PCDHGB6: variants seen among roughly 807,000 people sequenced by gnomAD.
The protein encoded by PCDHGB6 is protocadherin gamma subfamily B, 6.
A neutral mutation model predicts 59.1 loss-of-function variants in PCDHGB6; 51 were observed. That is an observed-to-expected ratio of 0.86 (90% confidence interval 0.69 to 1.09). PCDHGB6 has a LOEUF of 1.09. Ranked by LOEUF, PCDHGB6 falls within the 50% of genes least tolerant of loss-of-function variation. PCDHGB6 has a pLI of 0.00. For missense variants in PCDHGB6, 1,148 were observed against 1,205.1 expected (o/e 0.95, Z 0.70); for synonymous variants, 466 against 495.1 (o/e 0.94, Z 0.78).
rs759346998 is a variant in PCDHGB6 at position 141,410,849 on chromosome 5, C to CTTTTTTTTTT, written c.2418+242_2418+251dup. ...CAGACTGAAGATATTTTGTCTTTGT[C>CTTTTTTTTTT]TTTTTTTTTTTTTTTTTTTTTTGAG... On this transcript the variant is annotated intron_variant, in intron 1 of 3. Coordinates refer to ENST00000520790, the MANE Select transcript of PCDHGB6 (RefSeq NM_018926.3). 91 of 138,162 alleles carry CTTTTTTTTTT rather than the reference C, an allele frequency of 6.6e-4. 6 individuals are homozygous for CTTTTTTTTTT. The highest frequency in any genetic ancestry group is 2.3e-3 in the African/African-American group (38 of 16,624). The allele number at this position is 138,162 out of a possible 1,614,324, so 8.6% of individuals were successfully genotyped here. A position where few individuals can be genotyped will look rare whatever the true frequency, so the allele number is the denominator to read the frequency against.
At chr5:141,458,509 CTTTG>C (rs1327998402) in intron 1 of PCDHGB6, among the ~76,000 whole-genome samples, 2 of 149,986 alleles carry the variant, frequency 1.3e-5, no homozygotes. Context: ...CTGTTTGACA[CTTTG>C]TTTTTTTTTT....
At chr5:141,507,537 C>CA (rs140454890) in intron 3 of PCDHGB6, among the ~76,000 whole-genome samples, 3,617 of 152,286 alleles carry the variant, frequency 0.024, 53 homozygotes, top group East Asian at 0.043. Context: ...AGGCCAGAGA[C>CA]TGAGTATGAA....
Position 141,477,012 on chromosome 5 carries a change from T to C in PCDHGB6, c.2419-17795T>C. The C allele has an allele frequency of 6.2e-7, 1 of 1,614,186 alleles. No homozygotes were observed. Among genetic ancestry groups the C allele is most frequent in the Non-Finnish European group, 8.5e-7 (1 of 1,180,026 alleles). On this transcript the variant is annotated intron_variant, in intron 1 of 3. Coordinates refer to ENST00000520790, the MANE Select transcript of PCDHGB6 (RefSeq NM_018926.3). The surrounding 1 kb of genome is among the most constrained non-coding windows in gnomAD (Gnocchi z 4.9). The stretch of plus-strand genomic sequence containing the variant: ...GTGCGGCAACTATTCGCCTTAGACC[T>C]TGTAACCGGGATGCTGACAATCAAG...
intron 1 of PCDHGB6, among the ~76,000 whole-genome samples, chr5:141,465,368 A>C (rs940928815): frequency 1.3e-5 from 2 of 152,114 alleles, no homozygotes; most frequent in Admixed American, 6.6e-5. Flanking sequence ...TGCCCTTTAA[A>C]GTTGTAAGAT....
chr5:141,485,380 G>A lies in PCDHGB6; in HGVS notation c.2419-9427G>A. The A allele has an allele frequency of 1.9e-6, 3 of 1,614,146 alleles. No individual in the cohort carries two copies. The highest frequency in any genetic ancestry group is 2.5e-6 in the Non-Finnish European group (3 of 1,180,032). On this transcript the variant is annotated intron_variant, in intron 1 of 3. Coordinates refer to ENST00000520790, the MANE Select transcript of PCDHGB6 (RefSeq NM_018926.3). This position sits in a 1 kb window ranked among gnomAD's most constrained non-coding sequence, Gnocchi z 5.7. ...CTCGCAGGCTGCAGGTCGCTGGAGA[G>A]GTGAACCAAAGACACTTCCGTGTGG... is the stretch of plus-strand genomic sequence containing the variant.
Position 141,490,192 on chromosome 5 carries a change from A to C in PCDHGB6, c.2419-4615A>C. 1 of 1,614,182 alleles carries C rather than the reference A, an allele frequency of 6.2e-7. No homozygotes were observed. Among genetic ancestry groups the C allele is most frequent in the South Asian group, 1.1e-5 (1 of 91,082 alleles). On this transcript the variant is annotated intron_variant, in intron 1 of 3. Coordinates refer to ENST00000520790, the MANE Select transcript of PCDHGB6 (RefSeq NM_018926.3). The surrounding 1 kb of genome is among the most constrained non-coding windows in gnomAD (Gnocchi z 5.4). Reference sequence around the variant, plus strand: ...CTTTGAGGAGTCACGTTTCTATGAAATTCATGCAAGAGCCCGTGACCAGGG... The same window carrying C: ...CTTTGAGGAGTCACGTTTCTATGAACTTCATGCAAGAGCCCGTGACCAGGG...
intron 1 of PCDHGB6, chr5:141,421,683 A>G (rs1238944281): frequency 1.2e-6 from 2 of 1,613,758 alleles, no homozygotes; most frequent in African/African-American, 1.3e-5. Flanking sequence ...CTGGGGCGCG[A>G]TTTGCTCTTC....
In PCDHGB6 at chr5:141,485,979, C is replaced by G; in HGVS notation, c.2419-8828C>G. 1 of 1,614,182 alleles carries G rather than the reference C, an allele frequency of 6.2e-7. No individual in the cohort carries two copies. Among genetic ancestry groups the G allele is most frequent in the Non-Finnish European group, 8.5e-7 (1 of 1,180,022 alleles). On this transcript the variant is annotated intron_variant, in intron 1 of 3. Coordinates refer to ENST00000520790, the MANE Select transcript of PCDHGB6 (RefSeq NM_018926.3). The surrounding 1 kb of genome is among the most constrained non-coding windows in gnomAD (Gnocchi z 5.7). ...CTCATCCAGCTCAATGCCTCAGACC[C>G]GGACCTGGGTCCCAGTGGTAACGTC...
At position 141,491,267 on chromosome 5, in the gene PCDHGB6, A is replaced by C. The variant is rs1376540913; in HGVS notation, c.2419-3540A>C. ...GATGAGGACCCTGAGGAAATGCCCA[A>C]ATCCAGTGACTTCCTCATACACCCT... On this transcript the variant is annotated intron_variant, in intron 1 of 3. Coordinates refer to ENST00000520790, the MANE Select transcript of PCDHGB6 (RefSeq NM_018926.3). This position sits in a 1 kb window ranked among gnomAD's most constrained non-coding sequence, Gnocchi z 6.9. The C allele has an allele frequency of 2.5e-6, 4 of 1,613,944 alleles. No individual in the cohort carries two copies. The highest frequency in any genetic ancestry group is 3.4e-6 in the Non-Finnish European group (4 of 1,179,936).
Position 141,427,801 on chromosome 5 carries a change from G to T in PCDHGB6, c.2418+17181G>T, listed in dbSNP as rs755067099. On this transcript the variant is annotated intron_variant, in intron 1 of 3. Coordinates refer to ENST00000520790, the MANE Select transcript of PCDHGB6 (RefSeq NM_018926.3). ...GCACTGTCGTCCTACGTGTCCGTGA[G>T]CGCACAGAGCGGGGTGGTGGTCGCG... 6 of 1,510,138 alleles carry T rather than the reference G, an allele frequency of 4.0e-6. No homozygotes were observed. In the African/African-American group the frequency reaches 8.2e-5, roughly 21 times the overall value. 93.5% of individuals were successfully genotyped at this position (1,510,138 alleles called of 1,614,324 possible). A position where few individuals can be genotyped will look rare whatever the true frequency, so the allele number is the denominator to read the frequency against.
At chr5:141,472,010 C>T (rs1305786275) in intron 1 of PCDHGB6, among the ~76,000 whole-genome samples, 1 of 151,978 alleles carries the variant, frequency 6.6e-6, no homozygotes, top group Non-Finnish European at 1.5e-5. Flanking sequence ...CGTATAGGGG[C>T]ACTATATTGT....
chr5:141,436,877 A>G (rs2097851127), intron 1 of PCDHGB6, among the ~76,000 whole-genome samples: 1 of 152,252 alleles, frequency 6.6e-6, no homozygotes, highest in Admixed American at 6.5e-5. Flanking sequence ...AGGCCATAAA[A>G]GATGGGGGAA....
At position 141,486,426 on chromosome 5, in the gene PCDHGB6, A is replaced by T; in HGVS notation, c.2419-8381A>T. 6.2e-7 allele frequency: 1 copy of T among 1,614,190 alleles called. No homozygotes were observed. The highest frequency in any genetic ancestry group is 8.5e-7 in the Non-Finnish European group (1 of 1,180,026). ...GCTGGACCCTTGGATCGAGAGGCCA[A>T]ATCTAGCTATGACATCATGGTCACT... On this transcript the variant is annotated intron_variant, in intron 1 of 3. Coordinates refer to ENST00000520790, the MANE Select transcript of PCDHGB6 (RefSeq NM_018926.3). This position sits in a 1 kb window ranked among gnomAD's most constrained non-coding sequence, Gnocchi z 5.0.
At chr5:141,474,148 A>G (rs773360112) in intron 1 of PCDHGB6, among the ~76,000 whole-genome samples, 4 of 152,244 alleles carry the variant, frequency 2.6e-5, no homozygotes, top group Non-Finnish European at 5.9e-5. Context: ...CTTATTATCA[A>G]GAAAATGACA....
intron 1 of PCDHGB6, chr5:141,419,226 C>T (rs560904796): frequency 1.9e-6 from 3 of 1,614,006 alleles, no homozygotes; most frequent in East Asian, 2.2e-5. Context: ...GGACAGTCAG[C>T]CTACCTGGTC....
intron 1 of PCDHGB6, chr5:141,419,261 G>A (rs758952830): frequency 1.3e-5 from 21 of 1,613,864 alleles, no homozygotes; most frequent in Non-Finnish European, 1.7e-5. Context: ...CAACCAGCCG[G>A]GTGCCTCCAT....
chr5:141,430,594 C>T, intron 1 of PCDHGB6: 3 of 563,604 alleles, frequency 5.3e-6, no homozygotes, highest in Non-Finnish European at 5.7e-6. Flanking sequence ...GCCTTGCACG[C>T]GCCTGAAGCA....
intron 1 of PCDHGB6, among the ~76,000 whole-genome samples, chr5:141,465,038 G>T (rs1297185291): frequency 6.6e-6 from 1 of 151,642 alleles, no homozygotes; most frequent in Non-Finnish European, 1.5e-5. Flanking sequence ...CACCACAAAT[G>T]ACCCTATATA....
intron 1 of PCDHGB6, among the ~76,000 whole-genome samples, chr5:141,454,458 G>A (rs535843071): frequency 5.3e-5 from 8 of 152,322 alleles, no homozygotes; most frequent in Non-Finnish European, 1.5e-5. Flanking sequence ...CCAGGCTGGA[G>A]TGCAATGGCA....
Sources: allele counts gnomAD v4.1 joint callset (sites outside exome capture counted in the v4.1 genomes callset), GRCh38; gene constraint gnomAD v4.1.1; non-coding constraint Gnocchi (gnomAD v3.1); transcripts MANE v1.5; gene names NCBI Gene and HGNC (gene_info 2026-07-23, HGNC 2026-07-21).